Variants in CBX6 observed in about 807,000 individuals in gnomAD.
CBX6 encodes chromobox protein homolog 6.
A neutral mutation model predicts 28.4 loss-of-function variants in CBX6; 7 were observed. The observed-to-expected ratio is 0.25, with a 90% confidence interval of 0.14 to 0.46. The LOEUF (loss-of-function observed/expected upper bound fraction) is 0.46, where lower values mean the gene tolerates loss of function less well. CBX6 is among the 20% of genes least tolerant of loss of function. The probability of loss-of-function intolerance (pLI) is 0.99; values close to 1 mark genes in which losing one functional copy is unlikely to be tolerated. For synonymous variants in CBX6, 297 were observed against 273.4 expected (o/e 1.09, Z -0.85); for missense variants, 512 against 606.1 (o/e 0.84, Z 1.63).
chr22:38,866,146 G>C lies in CBX6; in HGVS notation c.*63C>G. The C allele has an allele frequency of 8.5e-7, 1 of 1,180,342 alleles. No homozygotes were observed. Among genetic ancestry groups the C allele is most frequent in the South Asian group, 1.4e-5 (1 of 68,970 alleles). 73.1% of individuals were successfully genotyped at this position (1,180,342 alleles called of 1,614,324 possible). A position where few individuals can be genotyped will look rare whatever the true frequency, so the allele number is the denominator to read the frequency against. On this transcript the variant is annotated 3_prime_UTR_variant, in exon 5 of 5. Coordinates refer to ENST00000407418, the MANE Select transcript of CBX6 (RefSeq NM_014292.5). The surrounding 1 kb of genome is among the most constrained non-coding windows in gnomAD (Gnocchi z 7.5). ...GAGGGCTGGGGGCAAGGGTGGGGTGGGAGCAAGAGTATGACTTCGGGCAGG... is the reference window on the plus strand; with the variant it reads ...GAGGGCTGGGGGCAAGGGTGGGGTGCGAGCAAGAGTATGACTTCGGGCAGG...
rs1603251108 is a variant in CBX6 at position 38,871,979 on chromosome 22, G to A, written c.70-34C>T. 6.7e-7 allele frequency: 1 copy of A among 1,492,000 alleles called. No individual in the cohort carries two copies. Among genetic ancestry groups the A allele is most frequent in the Non-Finnish European group, 9.0e-7 (1 of 1,116,584 alleles). 92.4% of individuals were successfully genotyped at this position (1,492,000 alleles called of 1,614,324 possible). ...CAGAGGGGAGAAAAACGGGGGTGGG[G>A]GTGGGGAGGATGCGGGGACGCGAGG... On this transcript the variant is annotated intron_variant, in intron 1 of 4. Coordinates refer to ENST00000407418, the MANE Select transcript of CBX6 (RefSeq NM_014292.5). This position sits in a 1 kb window ranked among gnomAD's most constrained non-coding sequence, Gnocchi z 5.6.
chr22:38,871,448 A>T lies in CBX6; in HGVS notation c.246+32T>A, dbSNP rs186150543. The T allele has an allele frequency of 2.3e-4, 368 of 1,582,026 alleles. 2 individuals are homozygous for T. In the African/African-American group the frequency reaches 3.9e-3, roughly 17 times the overall value. ...GCTGTGCCGGGGCTGGGGGCCCGAGAGGGGGATGCTGCTGGGGCTGGGCCA... is the reference window on the plus strand; with the variant it reads ...GCTGTGCCGGGGCTGGGGGCCCGAGTGGGGGATGCTGCTGGGGCTGGGCCA... On this transcript the variant is annotated intron_variant, in intron 4 of 4. Transcript: ENST00000407418. The surrounding 1 kb of genome is among the most constrained non-coding windows in gnomAD (Gnocchi z 5.6).
chr22:38,867,966 TG>T (rs2093174556), intron 4 of CBX6, among the ~76,000 whole-genome samples: 2 of 152,210 alleles, frequency 1.3e-5, no homozygotes, highest in Admixed American at 6.5e-5. Flanking sequence ...TGTGCCAAGA[TG>T]GTCTGGGGCA....
At chr22:38,869,324 C>T (rs955759282) in intron 4 of CBX6, among the ~76,000 whole-genome samples, 4 of 152,112 alleles carry the variant, frequency 2.6e-5, no homozygotes, top group East Asian at 1.9e-4. Flanking sequence ...ATGGCAGGCC[C>T]GGAAAGAAAC....
rs1457565532 is a variant in CBX6 at position 38,870,615 on chromosome 22, C to T, written c.246+865G>A. ...TGCTTCTCTTCTCCGAAAAAGAGTC[C>T]TCCCACAAAGTCACCGGCTGTCGGG... On this transcript the variant is annotated intron_variant, in intron 4 of 4. Coordinates refer to ENST00000407418, the MANE Select transcript of CBX6 (RefSeq NM_014292.5). The surrounding 1 kb of genome is among the most constrained non-coding windows in gnomAD (Gnocchi z 4.3). The T allele has an allele frequency of 6.6e-6, 1 of 152,228 alleles. No homozygotes were observed. The highest frequency in any genetic ancestry group is 2.4e-5 in the African/African-American group (1 of 41,448). 9.4% of individuals were successfully genotyped at this position (152,228 alleles called of 1,614,324 possible).
intron 4 of CBX6, 27 bp from the exon 5 acceptor site, chr22:38,867,228 G>GGGGGGGGGGGGGCC: frequency 1.9e-6 from 1 of 518,858 alleles, no homozygotes; most frequent in Non-Finnish European, 3.6e-6. Flanking sequence ...GGGTGGGTGG[G>GGGGGGGGGGGGGCC]ACCTCAGGAC....
Position 38,864,893 on chromosome 22 carries a change from T to C in CBX6, c.*1316A>G, listed in dbSNP as rs1165125493. ...AACACAGACCCTCTGGTCTCCCCTT[T>C]GCCTGCCTGCCCTCCCAGGGCCTGG... On this transcript the variant is annotated 3_prime_UTR_variant, in exon 5 of 5. Transcript: ENST00000407418. The C allele has an allele frequency of 1.3e-5, 2 of 152,328 alleles. No homozygotes were observed. The highest frequency in any genetic ancestry group is 1.5e-5 in the Non-Finnish European group (1 of 68,126). The allele number at this position is 152,328 out of a possible 1,614,324, so 9.4% of individuals were successfully genotyped here.
At chr22:38,869,321 G>A (rs2093177223) in intron 4 of CBX6, among the ~76,000 whole-genome samples, 1 of 152,130 alleles carries the variant, frequency 6.6e-6, no homozygotes, top group Non-Finnish European at 1.5e-5. Flanking sequence ...CAAATGGCAG[G>A]CCCGGAAAGA....
In CBX6 at chr22:38,862,550, GA is replaced by G. The variant is rs1381926973; in HGVS notation, c.*3658del. 1.1e-5 allele frequency: 1 copy of G among 91,812 alleles called. No homozygotes were observed. The highest frequency in any genetic ancestry group is 2.2e-5 in the Non-Finnish European group (1 of 44,554). 5.7% of individuals were successfully genotyped at this position (91,812 alleles called of 1,614,324 possible). A position where few individuals can be genotyped will look rare whatever the true frequency, so the allele number is the denominator to read the frequency against. On this transcript the variant is annotated 3_prime_UTR_variant, in exon 5 of 5. Coordinates refer to ENST00000407418, the MANE Select transcript of CBX6 (RefSeq NM_014292.5). ...AAAAAAAAAAAAAAAAAAAAAGAAA[GA>G]AAGAAAAAAGAAAAACAAAAGAAAA...
At position 38,871,774 on chromosome 22, in the gene CBX6, G is replaced by A; in HGVS notation, c.114-17C>T. 1 of 1,605,494 alleles carries A rather than the reference G, an allele frequency of 6.2e-7. No individual in the cohort carries two copies. Among genetic ancestry groups the A allele is most frequent in the Non-Finnish European group, 8.5e-7 (1 of 1,174,474 alleles). ...GTGCTGTACCTGCCGAGTCACAAAC[G>A]CACAAAATCAGGATGAAGACCAGAG... On this transcript the variant is annotated splice_polypyrimidine_tract_variant and intron_variant, in intron 2 of 4. Transcript: ENST00000407418. The surrounding 1 kb of genome is among the most constrained non-coding windows in gnomAD (Gnocchi z 5.6).
chr22:38,866,819 C>T lies in CBX6; in HGVS notation c.629G>A (p.Gly210Asp). ...GCTCTCGCTGAACTTCTTGCTCTTG[C>T]CTATAACGCGGTTCCGCGAGGGGAC... ...PKVPSRNRVI[G>D]KSKKFSESVL... is the part of the protein sequence containing the mutation. The change falls in exon 5 of 5, where the codon GGC becomes GAC. Residue 210 changes from glycine (G) to aspartate (D), a missense_variant. Physicochemically the swap from Gly to Asp is moderately conservative, Grantham distance 94. Around this residue, in one of 7 missense-constraint regions of CBX6, gnomAD observed 290 missense variants for 274.1 expected, o/e 1.06. Transcript: ENST00000407418. The surrounding 1 kb of genome is among the most constrained non-coding windows in gnomAD (Gnocchi z 7.5). The T allele has an allele frequency of 1.9e-6, 3 of 1,612,504 alleles. No homozygotes were observed. Among genetic ancestry groups the T allele is most frequent in the Non-Finnish European group, 2.5e-6 (3 of 1,179,374 alleles).
At position 38,866,392 on chromosome 22, in the gene CBX6, C is replaced by T. The variant is rs2093169510; in HGVS notation, c.1056G>A (p.Glu352=). 1 of 1,613,192 alleles carries T rather than the reference C, an allele frequency of 6.2e-7. No individual in the cohort carries two copies. The highest frequency in any genetic ancestry group is 8.5e-7 in the Non-Finnish European group (1 of 1,179,926). The part of the protein sequence containing the change: ...TAPEPAGASS[E]PEAGDWRPEM... Reference sequence around the variant, plus strand: ...CGGGGCGCCAGTCCCCAGCCTCGGGCTCGGAGGAGGCACCGGCGGGCTCAG... The same window carrying T: ...CGGGGCGCCAGTCCCCAGCCTCGGGTTCGGAGGAGGCACCGGCGGGCTCAG... Residue 352 remains glutamate, a synonymous_variant, in exon 5 of 5, where the codon GAG becomes GAA. Transcript: ENST00000407418. This position sits in a 1 kb window ranked among gnomAD's most constrained non-coding sequence, Gnocchi z 7.5.
rs2093182917 is a variant in CBX6 at position 38,871,786 on chromosome 22, G to A, written c.114-29C>T. 6.2e-7 allele frequency: 1 copy of A among 1,603,080 alleles called. No individual in the cohort carries two copies. The highest frequency in any genetic ancestry group is 1.3e-5 in the African/African-American group (1 of 74,788). ...CCGAGTCACAAACGCACAAAATCAG[G>A]ATGAAGACCAGAGAGGGACAGGCAC... On this transcript the variant is annotated intron_variant, in intron 2 of 4. Transcript: ENST00000407418. This position sits in a 1 kb window ranked among gnomAD's most constrained non-coding sequence, Gnocchi z 5.6.
Position 38,863,030 on chromosome 22 carries a change from T to C in CBX6, c.*3179A>G, listed in dbSNP as rs1173420721. On this transcript the variant is annotated 3_prime_UTR_variant, in exon 5 of 5. Transcript: ENST00000407418. The stretch of plus-strand genomic sequence containing the variant: ...AGGAAGGATGAGGCTCATTTTGACC[T>C]TGACCCCTTTGCAGGGTGAGAACAA... 6.6e-6 allele frequency: 1 copy of C among 152,250 alleles called. No homozygotes were observed. The highest frequency in any genetic ancestry group is 6.5e-5 in the Admixed American group (1 of 15,284). The allele number at this position is 152,250 out of a possible 1,614,324, so 9.4% of individuals were successfully genotyped here.
chr22:38,868,551 C>T (rs1001716878), intron 4 of CBX6, among the ~76,000 whole-genome samples: 8 of 152,118 alleles, frequency 5.3e-5, no homozygotes, highest in African/African-American at 1.7e-4. Context: ...GAGAAGATGG[C>T]GAGGAGTCAC....
rs1568992641 is a variant in CBX6, at chr22:38,862,204, G to A, written c.*4005C>T. On this transcript the variant is annotated 3_prime_UTR_variant, in exon 5 of 5. Transcript: ENST00000407418. ...CCAAAGATTGCAGGGGGCGGAGGAG[G>A]GAACCACGAAGGCCTGGGAGGGGGC... The A allele has an allele frequency of 6.6e-6, 1 of 152,158 alleles. No homozygotes were observed. The highest frequency in any genetic ancestry group is 1.5e-5 in the Non-Finnish European group (1 of 68,072). The allele number at this position is 152,158 out of a possible 1,614,324, so 9.4% of individuals were successfully genotyped here.
At position 38,866,499 on chromosome 22, in the gene CBX6, G is replaced by A. The variant is rs755545493; in HGVS notation, c.949C>T (p.Leu317Phe). 2 of 1,591,190 alleles carry A rather than the reference G, an allele frequency of 1.3e-6. No individual in the cohort carries two copies. The highest frequency in any genetic ancestry group is 1.7e-5 in the Admixed American group (1 of 57,734). ...WREPEVLDLS[L>F]PPESAATSKR... ...CTGGTGGCTGCCGACTCGGGAGGGA[G>A]GGACAGGTCGAGCACCTCCGGCTCG... is the stretch of plus-strand genomic sequence containing the variant. Residue 317 changes from leucine (L) to phenylalanine (F), a missense_variant, in exon 5 of 5, where the codon CTC (leucine) becomes TTC (phenylalanine). Around this residue, in one of 7 missense-constraint regions of CBX6, gnomAD observed 290 missense variants for 274.1 expected, o/e 1.06. Coordinates refer to ENST00000407418, the MANE Select transcript of CBX6 (RefSeq NM_014292.5). The surrounding 1 kb of genome is among the most constrained non-coding windows in gnomAD (Gnocchi z 7.5).
At position 38,866,157 on chromosome 22, in the gene CBX6, A is replaced by C; in HGVS notation, c.*52T>G. Reference sequence around the variant, plus strand: ...GCAAGGGTGGGGTGGGAGCAAGAGTATGACTTCGGGCAGGAGGGCCCCCCC... The same window carrying C: ...GCAAGGGTGGGGTGGGAGCAAGAGTCTGACTTCGGGCAGGAGGGCCCCCCC... On this transcript the variant is annotated 3_prime_UTR_variant, in exon 5 of 5. Transcript: ENST00000407418. The surrounding 1 kb of genome is among the most constrained non-coding windows in gnomAD (Gnocchi z 7.5). 1 of 1,302,652 alleles carries C rather than the reference A, an allele frequency of 7.7e-7. No individual in the cohort carries two copies. The highest frequency in any genetic ancestry group is 1.1e-6 in the Non-Finnish European group (1 of 934,942). 80.7% of individuals were successfully genotyped at this position (1,302,652 alleles called of 1,614,324 possible). A position where few individuals can be genotyped will look rare whatever the true frequency, so the allele number is the denominator to read the frequency against.
Position 38,870,177 on chromosome 22 carries a change from GCTGGACCTCGGGTAAGTCA to G in CBX6, c.246+1284_246+1302del, listed in dbSNP as rs1454022883. The G allele has an allele frequency of 6.6e-6, 1 of 152,218 alleles. No individual in the cohort carries two copies. The highest frequency in any genetic ancestry group is 1.9e-4 in the East Asian group (1 of 5,196). The allele number at this position is 152,218 out of a possible 1,614,324, so 9.4% of individuals were successfully genotyped here. ...AAAGGAGACAGGATGAAGCCAGGAA[GCTGGACCTCGGGTAAGTCA>G]CTTTCCCTTCCTGGGCCTTGATTTT... On this transcript the variant is annotated intron_variant, in intron 4 of 4. Coordinates refer to ENST00000407418, the MANE Select transcript of CBX6 (RefSeq NM_014292.5). The surrounding 1 kb of genome is among the most constrained non-coding windows in gnomAD (Gnocchi z 4.3).
Sources: gnomAD v4.1 joint callset for allele counts (sites outside exome capture counted in the v4.1 genomes callset) on GRCh38, gnomAD v4.1.1 for gene constraint, gnomAD v4.1.1 regional missense constraint, Gnocchi (gnomAD v3.1) non-coding constraint, MANE v1.5 for transcripts, NCBI Gene and HGNC (gene_info 2026-07-23, HGNC 2026-07-21) for gene names.